Variants in KLHL8 observed in about 807,000 individuals in gnomAD.
KLHL8 encodes kelch like family member 8.
In KLHL8, 38 loss-of-function variants were observed where a neutral mutation model predicts 63.5. The observed-to-expected ratio is 0.60, with a 90% CI of 0.46 to 0.78. The LOEUF (loss-of-function observed/expected upper bound fraction) is 0.78, where lower values mean the gene tolerates loss of function less well. Ranked by LOEUF, KLHL8 falls within the 30% of genes least tolerant of loss-of-function variation. The probability of loss-of-function intolerance (pLI) is 0.00; values close to 1 mark genes in which losing one functional copy is unlikely to be tolerated. For missense variants in KLHL8, 566 were observed against 752.4 expected (o/e 0.75, Z 2.90); for synonymous variants, 224 against 254.3 (o/e 0.88, Z 1.13).
At chr4:87,209,919 T>C (rs1732330151) in intron 1 of KLHL8, among the ~76,000 whole-genome samples, 1 of 141,608 alleles carries the variant, frequency 7.1e-6, no homozygotes, top group African/African-American at 2.7e-5. Flanking sequence ...AGTGGCGCAA[T>C]CTTGGCTTAC....
At chr4:87,221,878 G>C (rs1212771732), upstream of KLHL8, among the ~76,000 whole-genome samples, 1 of 152,044 alleles carries the variant, frequency 6.6e-6, no homozygotes, top group African/African-American at 2.4e-5. Context: ...AATAGAGTAA[G>C]ATGAGTTTTA....
At chr4:87,225,845 T>G (rs572594296) in intron 1 of KLHL8, among the ~76,000 whole-genome samples, 2 of 152,282 alleles carry the variant, frequency 1.3e-5, no homozygotes, top group Non-Finnish European at 2.9e-5. Context: ...AATGCGGGTG[T>G]TGTTGTTTTT....
At chr4:87,217,259 TAGTC>T (rs961948191) in intron 1 of KLHL8, among the ~76,000 whole-genome samples, 10 of 151,326 alleles carry the variant, frequency 6.6e-5, no homozygotes, top group African/African-American at 2.4e-4. Flanking sequence ...AAAAAAGACA[TAGTC>T]AAGTGAATTT....
intron 1 of KLHL8, chr4:87,208,014 C>G (rs755945856): frequency 2.4e-5 from 17 of 699,346 alleles, no homozygotes; most frequent in Admixed American, 2.2e-4. Context: ...TTGTCAAGAT[C>G]ATTTCTTGGT....
chr4:87,206,117 T>C (rs1372406906), intron 1 of KLHL8, among the ~76,000 whole-genome samples: 4 of 152,184 alleles, frequency 2.6e-5, no homozygotes, highest in African/African-American at 9.6e-5. Context: ...TCCACTTCAA[T>C]TCTCCTGGAT....
At position 87,161,041 on chromosome 4, in the gene KLHL8, C is replaced by CTTTTTTTTTTTTTTTTTTTTTTTTTTTT. The variant is rs71660119; in HGVS notation, c.*2477_*2478insAAAAAAAAAAAAAAAAAAAAAAAAAAAA. The CTTTTTTTTTTTTTTTTTTTTTTTTTTTT allele has an allele frequency of 8.7e-6, 1 of 115,084 alleles. No homozygotes were observed. The highest frequency in any genetic ancestry group is 1.7e-5 in the Non-Finnish European group (1 of 57,792). 7.1% of individuals were successfully genotyped at this position (115,084 alleles called of 1,614,324 possible). ...GCACATATTGATTCTGCTTTTTTAT[C>CTTTTTTTTTTTTTTTTTTTTTTTTTTTT]TTTTTTTTTTTTTTTTTTTTGAGAT... On this transcript the variant is annotated 3_prime_UTR_variant, in exon 10 of 10. Coordinates refer to ENST00000273963, the MANE Select transcript of KLHL8 (RefSeq NM_020803.5).
At chr4:87,235,867 G>T (rs1029359540) in intron 1 of KLHL8, among the ~76,000 whole-genome samples, 17 of 152,048 alleles carry the variant, frequency 1.1e-4, no homozygotes, top group Non-Finnish European at 2.2e-4. Context: ...GATGAGAGCG[G>T]AGAGGTTGCG....
chr4:87,211,042 G>A (rs1393270682), intron 1 of KLHL8, among the ~76,000 whole-genome samples: 2 of 152,060 alleles, frequency 1.3e-5, no homozygotes, highest in Non-Finnish European at 1.5e-5. Context: ...AGCCCCTAAA[G>A]TATAGGCACC....
At chr4:87,193,538 T>C (rs981470792) in intron 2 of KLHL8, among the ~76,000 whole-genome samples, 12 of 152,238 alleles carry the variant, frequency 7.9e-5, no homozygotes, top group African/African-American at 2.9e-4. Flanking sequence ...TCTTTTTTTA[T>C]GTAATGTTTC....
intron 4 of KLHL8, 38 bp from the exon 5 acceptor site, chr4:87,178,658 T>A: frequency 6.8e-7 from 1 of 1,473,732 alleles, no homozygotes; most frequent in Non-Finnish European, 9.0e-7. Context: ...AAATCATAGC[T>A]GCCAAGTTGA....
chr4:87,163,213 A>G lies in KLHL8; in HGVS notation c.*306T>C, dbSNP rs1256164532. The G allele has an allele frequency of 4.6e-6, 1 of 215,508 alleles. No individual in the cohort carries two copies. The highest frequency in any genetic ancestry group is 5.5e-5 in the Admixed American group (1 of 18,256). 13.3% of individuals were successfully genotyped at this position (215,508 alleles called of 1,614,324 possible). A position where few individuals can be genotyped will look rare whatever the true frequency, so the allele number is the denominator to read the frequency against. ...TACATTTTGATTCATCCAAATAGAG[A>G]GAGAGAGAGAGATTTCAAGATTTTT... On this transcript the variant is annotated 3_prime_UTR_variant, in exon 10 of 10. Coordinates refer to ENST00000273963, the MANE Select transcript of KLHL8 (RefSeq NM_020803.5).
At chr4:87,190,542 G>A (rs991091831) in intron 2 of KLHL8, among the ~76,000 whole-genome samples, 2 of 151,944 alleles carry the variant, frequency 1.3e-5, no homozygotes, top group East Asian at 1.9e-4. Flanking sequence ...TACTCGGGGG[G>A]CTGACGTGGA....
Position 87,183,353 on chromosome 4 carries a change from C to G in KLHL8, c.802G>C (p.Gly268Arg). 6.2e-7 allele frequency: 1 copy of G among 1,609,580 alleles called. No individual in the cohort carries two copies. The highest frequency in any genetic ancestry group is 8.5e-7 in the Non-Finnish European group (1 of 1,176,950). Residue 268 changes from glycine (G) to arginine (R), a missense_variant, in exon 4 of 10, where the codon GGT (glycine) becomes CGT (arginine). Physicochemically the swap from Gly to Arg is moderately radical, Grantham distance 125 (BLOSUM62 -2). Transcript: ENST00000273963. Reference protein sequence around the residue: ...LPLLPVDFLMGVVAKEQIVKQ... With the variant: ...LPLLPVDFLMRVVAKEQIVKQ... ...ACAATCTGTTCTTTTGCCACAACACCCATAAGAAAATCAACCGGCAACAAT... is the reference window on the plus strand; with the variant it reads ...ACAATCTGTTCTTTTGCCACAACACGCATAAGAAAATCAACCGGCAACAAT...
chr4:87,170,373 A>G, intron 7 of KLHL8, 74 bp downstream of exon 7: 2 of 1,473,776 alleles, frequency 1.4e-6, no homozygotes, highest in Non-Finnish European at 1.8e-6. Context: ...TGGTGATGAT[A>G]TATTGGACCT....
chr4:87,214,374 T>C (rs1176035768), intron 1 of KLHL8, among the ~76,000 whole-genome samples: 3 of 132,026 alleles, frequency 2.3e-5, no homozygotes, highest in African/African-American at 8.1e-5. Flanking sequence ...CTCATAGGAT[T>C]GCTATAAAAC....
At chr4:87,180,343 T>C (rs1731002435) in intron 4 of KLHL8, among the ~76,000 whole-genome samples, 2 of 152,206 alleles carry the variant, frequency 1.3e-5, no homozygotes, top group Non-Finnish European at 2.9e-5. Flanking sequence ...AATTGTAAAA[T>C]GAACTGAACA....
At chr4:87,223,503 T>C (rs1194671378), upstream of KLHL8, among the ~76,000 whole-genome samples, 4 of 152,088 alleles carry the variant, frequency 2.6e-5, no homozygotes, top group Non-Finnish European at 5.9e-5. Flanking sequence ...GTAGACAAAA[T>C]TGAATAGTCC....
intron 2 of KLHL8, among the ~76,000 whole-genome samples, chr4:87,186,234 G>A (rs973901944): frequency 2.0e-5 from 3 of 151,812 alleles, no homozygotes; most frequent in African/African-American, 7.3e-5. Context: ...TTTCAGTAGA[G>A]ACAGGGTTTC....
intron 1 of KLHL8, among the ~76,000 whole-genome samples, chr4:87,239,376 GT>G (rs1313673616): frequency 2.3e-4 from 35 of 152,324 alleles, no homozygotes; most frequent in Admixed American, 2.2e-3. Context: ...CAGTGCGCCT[GT>G]TAAGAATCTG....
Sources: allele counts gnomAD v4.1 joint callset (sites outside exome capture counted in the v4.1 genomes callset), GRCh38; gene constraint gnomAD v4.1.1; transcripts MANE v1.5; gene names NCBI Gene and HGNC (gene_info 2026-07-23, HGNC 2026-07-21).